Variants in IL12RB2 observed in about 807,000 individuals in gnomAD.
The protein encoded by IL12RB2 is interleukin 12 receptor subunit beta 2.
In IL12RB2, 82 loss-of-function variants were observed where a neutral mutation model predicts 89.4. The ratio of observed to expected loss-of-function variants is 0.92; its 90% CI spans 0.77 to 1.10. The LOEUF (loss-of-function observed/expected upper bound fraction) is 1.10, where lower values mean the gene tolerates loss of function less well. IL12RB2 is among the 50% of genes least tolerant of loss of function. The pLI is 0.00. For missense variants in IL12RB2, 963 were observed against 1,031.9 expected (o/e 0.93, Z 0.92); for synonymous variants, 368 against 370.1 (o/e 0.99, Z 0.07).
intron 13 of IL12RB2, among the ~76,000 whole-genome samples, chr1:67,373,826 G>T (rs1440354365): frequency 6.6e-6 from 1 of 152,182 alleles, no homozygotes; most frequent in African/African-American, 2.4e-5. Flanking sequence ...ATGCAACAAA[G>T]CCACCCTAAG....
In IL12RB2 at chr1:67,395,938, C is replaced by T; in HGVS notation, c.2438C>T (p.Ala813Val). The change falls in exon 17 of 17, where the codon GCA becomes GTA. Residue 813 changes from alanine (A) to valine (V), a missense_variant. Transcript: ENST00000674203. ...ATAGATGACCTCCCCTCACATGAGG[C>T]ACCTCTCGCTGACTCTCTGGAAGAA... is the stretch of plus-strand genomic sequence containing the variant. ...SNIDDLPSHEAPLADSLEELE... is the reference protein window; with the variant it reads ...SNIDDLPSHEVPLADSLEELE... 6.2e-7 allele frequency: 1 copy of T among 1,611,864 alleles called. No homozygotes were observed.
chr1:67,393,884 ACTC>A (rs17838010), intron 16 of IL12RB2, among the ~76,000 whole-genome samples: 23,148 of 151,708 alleles, frequency 0.15, 2,222 homozygotes, highest in East Asian at 0.39. Flanking sequence ...TTGTCATCCT[ACTC>A]CTCCTGTAAG....
At chr1:67,333,161 C>A (rs1196228034) in intron 8 of IL12RB2, among the ~76,000 whole-genome samples, 18 of 152,152 alleles carry the variant, frequency 1.2e-4, no homozygotes, top group Non-Finnish European at 2.5e-4. Context: ...GTCTCTGAAT[C>A]TCCCTTTTCT....
rs34139483 is a variant in IL12RB2, at chr1:67,332,218, AT to A, written c.958+1423del. Among the ~76,000 whole-genome samples, 801 of 135,422 alleles carry A rather than the reference AT, an allele frequency of 5.9e-3. 3 individuals carry two copies. The highest frequency in any genetic ancestry group is 0.031 in the East Asian group (152 of 4,828). 88.8% of individuals were successfully genotyped at this position (135,422 alleles called of 152,430 possible). On this transcript the variant is annotated intron_variant, in intron 8 of 16. Transcript: ENST00000674203. ...CTTCCTTACTTCTTGTATTAATTGC[AT>A]TTTTTTTTTTTTTTGAGACAGAGTC...
intron 9 of IL12RB2, among the ~76,000 whole-genome samples, chr1:67,339,557 A>G (rs1659290859): frequency 1.3e-5 from 2 of 152,168 alleles, no homozygotes; most frequent in Non-Finnish European, 2.9e-5. Context: ...TGGTAATAAA[A>G]CAGTAGTAAA....
chr1:67,331,510 G>A (rs1442103917), intron 8 of IL12RB2, among the ~76,000 whole-genome samples: 1 of 152,148 alleles, frequency 6.6e-6, no homozygotes, highest in Non-Finnish European at 1.5e-5. Flanking sequence ...AATCTTTGGA[G>A]ACACAAGAAA....
chr1:67,363,218 T>A (rs928997152), intron 10 of IL12RB2, among the ~76,000 whole-genome samples: 66 of 132,934 alleles, frequency 5.0e-4, no homozygotes, highest in African/African-American at 1.4e-3. Context: ...CTTATTTTTT[T>A]TTTTTTTTTT....
At chr1:67,342,278 G>A (rs527802294) in intron 9 of IL12RB2, among the ~76,000 whole-genome samples, 14 of 151,832 alleles carry the variant, frequency 9.2e-5, no homozygotes, top group Middle Eastern at 3.4e-3. Context: ...TGCAAGAAAC[G>A]CCCACCACTG....
At chr1:67,393,630 C>G (rs191280530) in intron 16 of IL12RB2, among the ~76,000 whole-genome samples, 2 of 152,332 alleles carry the variant, frequency 1.3e-5, no homozygotes, top group East Asian at 3.9e-4. Context: ...CATCCTCTAG[C>G]TTGGCGGGGC....
chr1:67,395,455 G>A lies in IL12RB2; in HGVS notation c.2047-92G>A, dbSNP rs530820874. 3.7e-5 allele frequency: 60 copies of A among 1,610,750 alleles called. 1 individual carries two copies. The African/African-American group carries it at 4.4e-4, about 12-fold the overall frequency. ...TTCCAGCCAGGGCTGAGGAGACAGT[G>A]CAGGTTGTGAGGCCTTTGGGAACCC... is the stretch of plus-strand genomic sequence containing the variant. On this transcript the variant is annotated intron_variant, in intron 16 of 16. Coordinates refer to ENST00000674203, the MANE Select transcript of IL12RB2 (RefSeq NM_001374259.2).
chr1:67,385,038 T>C (rs1376467038), intron 14 of IL12RB2, among the ~76,000 whole-genome samples: 1 of 152,232 alleles, frequency 6.6e-6, no homozygotes, highest in African/African-American at 2.4e-5. Context: ...ACCTCTGCCT[T>C]CATCCATTTC....
chr1:67,333,835 C>T (rs905305508), intron 8 of IL12RB2, among the ~76,000 whole-genome samples: 3 of 152,154 alleles, frequency 2.0e-5, no homozygotes, highest in Non-Finnish European at 4.4e-5. Flanking sequence ...GATCTCTCAC[C>T]ACTTAGAACA....
At chr1:67,337,910 AAAAAAAAGAAAAG>A (rs1218177095) in intron 8 of IL12RB2, among the ~76,000 whole-genome samples, 452 of 126,760 alleles carry the variant, frequency 3.6e-3, no homozygotes, top group African/African-American at 0.011. Flanking sequence ...GTAAAAAAAA[AAAAAAAAGAAAAG>A]AAAAGAAAAG....
chr1:67,352,365 G>T (rs1382314108), intron 10 of IL12RB2, among the ~76,000 whole-genome samples: 3 of 152,168 alleles, frequency 2.0e-5, no homozygotes, highest in Non-Finnish European at 4.4e-5. Context: ...GGGCTCTAGG[G>T]TCCTCCTTTC....
chr1:67,354,876 G>A lies in IL12RB2; in HGVS notation c.1258+3787G>A, dbSNP rs1213083221. On this transcript the variant is annotated intron_variant, in intron 10 of 16. Coordinates refer to ENST00000674203, the MANE Select transcript of IL12RB2 (RefSeq NM_001374259.2). ...GATTTATGCTGATTTTGAGAGACCA[G>A]AGACAAATTTATTGTAAAAAGCACC... 7.9e-5 allele frequency among the ~76,000 whole-genome samples: 12 copies of A among 152,206 alleles called. No individual in the cohort carries two copies. In the South Asian group the frequency reaches 2.5e-3, roughly 32 times the overall value.
intron 16 of IL12RB2, among the ~76,000 whole-genome samples, chr1:67,390,487 A>G (rs1417220850): frequency 1.9e-5 from 2 of 103,220 alleles, no homozygotes; most frequent in Non-Finnish European, 3.7e-5. Flanking sequence ...CCATTTGTTG[A>G]GTACTAGCCT....
chr1:67,320,366 T>C lies in IL12RB2; in HGVS notation c.-3T>C. The C allele has an allele frequency of 6.2e-7, 1 of 1,613,944 alleles. No homozygotes were observed. ...CGGAGTTCTATACCAGAGTTGATTG[T>C]TGATGGCACATACTTTTAGAGGATG... On this transcript the variant is annotated 5_prime_UTR_variant, in exon 3 of 17. Transcript: ENST00000674203.
intron 10 of IL12RB2, among the ~76,000 whole-genome samples, chr1:67,361,282 C>G (rs1049364241): frequency 6.6e-6 from 1 of 152,016 alleles, no homozygotes; most frequent in African/African-American, 2.4e-5. Flanking sequence ...CAAACAACAA[C>G]AAAACAACAG....
chr1:67,382,384 A>G (rs772575475), intron 14 of IL12RB2, among the ~76,000 whole-genome samples: 4 of 152,172 alleles, frequency 2.6e-5, no homozygotes, highest in Non-Finnish European at 4.4e-5. Context: ...TTTTCATTCA[A>G]TCAGAAGAGG....
Sources: gnomAD v4.1 joint callset for allele counts (sites outside exome capture counted in the v4.1 genomes callset) on GRCh38, gnomAD v4.1.1 for gene constraint, MANE v1.5 for transcripts, NCBI Gene and HGNC (gene_info 2026-07-23, HGNC 2026-07-21) for gene names.